Variants in GNB5 observed in about 807,000 individuals in gnomAD.
The protein encoded by GNB5 is G protein subunit beta 5, also known as guanine nucleotide-binding protein subunit beta-5.
Under a neutral mutation model 55.3 loss-of-function variants are expected in GNB5, and 37 were observed. The observed-to-expected ratio is 0.67, with a 90% CI of 0.51 to 0.88. The LOEUF is 0.88. Ranked by LOEUF, GNB5 falls within the 40% of genes least tolerant of loss-of-function variation. The probability of loss-of-function intolerance (pLI) is 0.00; values close to 1 mark genes in which losing one functional copy is unlikely to be tolerated. For synonymous variants in GNB5, 219 were observed against 198.5 expected (o/e 1.10, Z -0.87); for missense variants, 476 against 515.3 (o/e 0.92, Z 0.74).
In GNB5 at chr15:52,164,070, G is replaced by A. The variant is rs568146853; in HGVS notation, c.239-9994C>T. Among the ~76,000 whole-genome samples the A allele has an allele frequency of 5.9e-5, 9 of 152,216 alleles. No individual in the cohort carries two copies. In the East Asian group the frequency reaches 1.2e-3, roughly 20 times the overall value. On this transcript the variant is annotated intron_variant, in intron 3 of 12. Coordinates refer to ENST00000261837, the MANE Select transcript of GNB5 (RefSeq NM_016194.4). Reference sequence around the variant, plus strand: ...TATAATTCCAGCACTTTGGGAGGCCGAGGCAAGAGGATCACGAGGTCAGGA... The same window carrying A: ...TATAATTCCAGCACTTTGGGAGGCCAAGGCAAGAGGATCACGAGGTCAGGA...
rs57732678 is a variant in GNB5, at chr15:52,135,852, A to AAC, written c.628-98_628-97dup. ...CTTAACGTTCCGCAGGGAAAAGCAG[A>AAC]ACACACACACACACACACACACACA... On this transcript the variant is annotated intron_variant, in intron 7 of 12. Transcript: ENST00000261837. The AAC allele has an allele frequency of 0.25, 136,210 of 548,970 alleles. 8,373 individuals are homozygous for AAC. Among genetic ancestry groups the AAC allele is most frequent in the Non-Finnish European group, 0.29 (94,939 of 331,796 alleles). 34.0% of individuals were successfully genotyped at this position (548,970 alleles called of 1,614,324 possible).
intron 3 of GNB5, among the ~76,000 whole-genome samples, chr15:52,171,519 G>A (rs2034554692): frequency 6.6e-6 from 1 of 152,188 alleles, no homozygotes; most frequent in Non-Finnish European, 1.5e-5. Context: ...GCCAGCTCGA[G>A]TATAACAGTG....
chr15:52,181,916 AAATG>A, intron 2 of GNB5, among the ~76,000 whole-genome samples: 1 of 152,038 alleles, frequency 6.6e-6, no homozygotes, highest in African/African-American at 2.4e-5. Context: ...ACATGTTTAT[AAATG>A]AATAAATATA....
intron 6 of GNB5, chr15:52,144,159 T>C (rs1421311169): frequency 1.3e-5 from 2 of 152,228 alleles, no homozygotes; most frequent in African/African-American, 4.8e-5. Flanking sequence ...GGCTGCTCTC[T>C]TCCTTCCGTC....
rs113245815 is a variant in GNB5, at chr15:52,150,684, C to T, written c.376-759G>A. Among the ~76,000 whole-genome samples the T allele has an allele frequency of 1.3e-3, 200 of 152,314 alleles. 1 individual carries two copies. Among genetic ancestry groups the T allele is most frequent in the African/African-American group, 4.5e-3 (188 of 41,566 alleles). On this transcript the variant is annotated intron_variant, in intron 4 of 12. Transcript: ENST00000261837. ...AGAATGCTGCCACTTTCACTGTAAC[C>T]CAGCTGTGGCCTCCCATGGGTGTGG...
At position 52,133,486 on chromosome 15, in the gene GNB5, GC is replaced by G; in HGVS notation, c.772-18del. 1 of 1,563,144 alleles carries G rather than the reference GC, an allele frequency of 6.4e-7. No homozygotes were observed. Among genetic ancestry groups the G allele is most frequent in the Non-Finnish European group, 8.8e-7 (1 of 1,133,434 alleles). ...GTCACATCCCTACAAATGAAAATTAGCCAGAGTTATGGCCACTTTAAGGAAT... is the reference window on the plus strand; with the variant it reads ...GTCACATCCCTACAAATGAAAATTAGCAGAGTTATGGCCACTTTAAGGAAT... On this transcript the variant is annotated intron_variant, in intron 8 of 12. Transcript: ENST00000261837.
At chr15:52,164,344 T>C (rs900905907) in intron 3 of GNB5, among the ~76,000 whole-genome samples, 13 of 114,708 alleles carry the variant, frequency 1.1e-4, no homozygotes, top group East Asian at 1.0e-3. Flanking sequence ...AAATGCTGGG[T>C]GTGGTGGCTC....
At chr15:52,169,790 A>C (rs1356643855) in intron 3 of GNB5, among the ~76,000 whole-genome samples, 3 of 152,166 alleles carry the variant, frequency 2.0e-5, no homozygotes, top group Non-Finnish European at 4.4e-5. Context: ...GACAAACTAC[A>C]GAAGGGAGAA....
At chr15:52,136,380 G>A (rs1023293973) in intron 7 of GNB5, among the ~76,000 whole-genome samples, 1 of 152,166 alleles carries the variant, frequency 6.6e-6, no homozygotes, top group Non-Finnish European at 1.5e-5. Flanking sequence ...TCTACTGAGT[G>A]TTTAAAACCT....
chr15:52,118,710 A>AAT lies in GNB5; in HGVS notation c.*4045_*4046dup, dbSNP rs1326102704. The stretch of plus-strand genomic sequence containing the variant: ...ATGGAGAAACCTGGTCTCTACTAAA[A>AAT]ATACAAAATTAGCCGGGCGTGGTGG... On this transcript the variant is annotated 3_prime_UTR_variant, in exon 13 of 13. Coordinates refer to ENST00000261837, the MANE Select transcript of GNB5 (RefSeq NM_016194.4). The AAT allele has an allele frequency of 5.9e-5, 9 of 151,948 alleles. No homozygotes were observed. Among genetic ancestry groups the AAT allele is most frequent in the Admixed American group, 5.9e-4 (9 of 15,246 alleles). 9.4% of individuals were successfully genotyped at this position (151,948 alleles called of 1,614,324 possible).
At chr15:52,184,811 G>A (rs1475470449) in intron 1 of GNB5, 117 bp from the exon 2 acceptor site, 7 of 690,792 alleles carry the variant, frequency 1.0e-5, no homozygotes, top group Non-Finnish European at 1.4e-5. Flanking sequence ...GTGGGATAGA[G>A]TATATGCAGT....
At chr15:52,125,200 A>T (rs1026780465) in intron 11 of GNB5, 1 of 152,446 alleles carries the variant, frequency 6.6e-6, no homozygotes, top group Non-Finnish European at 1.5e-5. Flanking sequence ...TCTTTTTTTG[A>T]CATGATCCTT....
chr15:52,171,745 A>T (rs2034558732), intron 3 of GNB5, among the ~76,000 whole-genome samples: 1 of 152,240 alleles, frequency 6.6e-6, no homozygotes, highest in African/African-American at 2.4e-5. Flanking sequence ...TGGTTTTCCT[A>T]GATTTTTCCC....
intron 3 of GNB5, among the ~76,000 whole-genome samples, chr15:52,173,178 G>C (rs1302567493): frequency 1.3e-5 from 2 of 152,160 alleles, no homozygotes; most frequent in East Asian, 3.9e-4. Flanking sequence ...ATAAATGAAT[G>C]AAAGTAATTT....
chr15:52,174,069 A>G (rs2034602193), intron 3 of GNB5, among the ~76,000 whole-genome samples: 1 of 152,190 alleles, frequency 6.6e-6, no homozygotes, highest in Non-Finnish European at 1.5e-5. Flanking sequence ...GATCCTAATA[A>G]GAGGGAGCAG....
Position 52,117,102 on chromosome 15 carries a change from A to ATATTTTTTTTTTT in GNB5, c.*5654_*5655insAAAAAAAAAAATA. 1 of 87,100 alleles carries ATATTTTTTTTTTT rather than the reference A, an allele frequency of 1.1e-5. No homozygotes were observed. The highest frequency in any genetic ancestry group is 6.1e-5 in the African/African-American group (1 of 16,446). 5.4% of individuals were successfully genotyped at this position (87,100 alleles called of 1,614,324 possible). ...CCACGCCCAGCTAATATATATATAT[A>ATATTTTTTTTTTT]TTTTTTTTTAGTACAGACAGGGTTT... On this transcript the variant is annotated 3_prime_UTR_variant, in exon 13 of 13. Transcript: ENST00000261837.
chr15:52,169,579 G>A (rs1436887754), intron 3 of GNB5, among the ~76,000 whole-genome samples: 19 of 135,612 alleles, frequency 1.4e-4, no homozygotes, highest in South Asian at 4.9e-4. Context: ...GAAGAGAAGA[G>A]AAAAAGAAAA....
chr15:52,172,482 T>A (rs904409385), intron 3 of GNB5, among the ~76,000 whole-genome samples: 1 of 151,890 alleles, frequency 6.6e-6, no homozygotes, highest in Admixed American at 6.6e-5. Flanking sequence ...TCCCTTATTA[T>A]AAAAAGCAGT....
intron 7 of GNB5, chr15:52,140,028 G>T (rs1362784723): frequency 3.5e-5 from 38 of 1,101,240 alleles, no homozygotes; most frequent in Non-Finnish European, 3.9e-5. Flanking sequence ...AGCGCCCCCT[G>T]GTGAACAAGT....
Sources: allele counts gnomAD v4.1 joint callset (sites outside exome capture counted in the v4.1 genomes callset), GRCh38; gene constraint gnomAD v4.1.1; transcripts MANE v1.5; gene names NCBI Gene and HGNC (gene_info 2026-07-23, HGNC 2026-07-21).